The following ZFPM2 variants were observed in gnomAD, a reference collection of about 807,000 sequenced individuals.
ZFPM2 encodes zinc finger protein ZFPM2.
A neutral mutation model predicts 98.6 loss-of-function variants in ZFPM2; 20 were observed. The ratio of observed to expected loss-of-function variants is 0.20; its 90% CI spans 0.14 to 0.29. The LOEUF is 0.29. ZFPM2 is among the 10% of genes least tolerant of loss of function. The pLI is 1.00. For missense variants in ZFPM2, 1,310 were observed against 1,388.6 expected (o/e 0.94, Z 0.90); for synonymous variants, 518 against 502.7 (o/e 1.03, Z -0.41).
At chr8:105,560,104 G>A (rs943992405) in intron 3 of ZFPM2, among the ~76,000 whole-genome samples, 1 of 151,256 alleles carries the variant, frequency 6.6e-6, no homozygotes, top group Non-Finnish European at 1.5e-5. Flanking sequence ...CTATCTGGGA[G>A]GCTGGGGCAG....
intron 4 of ZFPM2, among the ~76,000 whole-genome samples, chr8:105,594,624 G>C (rs1815924617): frequency 6.6e-6 from 1 of 152,058 alleles, no homozygotes; most frequent in African/African-American, 2.4e-5. Flanking sequence ...TGAGAAAACT[G>C]AGGTTTCAGA....
rs189657594 is a variant in ZFPM2 at position 105,698,212 on chromosome 8, T to C, written c.532+63855T>C. 2.7e-4 allele frequency among the ~76,000 whole-genome samples: 41 copies of C among 152,304 alleles called. 1 individual carries two copies. The East Asian group carries it at 6.2e-3, about 23-fold the overall frequency. On this transcript the variant is annotated intron_variant, in intron 5 of 7. Coordinates refer to ENST00000407775, the MANE Select transcript of ZFPM2 (RefSeq NM_012082.4). ...CTTAATCATGAGCCAGGATATACTT[T>C]CCAACTTTCACTAGGTAATCTGTTC...
chr8:105,632,198 C>G (rs1563750911), intron 4 of ZFPM2, among the ~76,000 whole-genome samples: 3 of 152,062 alleles, frequency 2.0e-5, no homozygotes. Flanking sequence ...GAGACAGAGT[C>G]TAGCCCTGTC....
chr8:105,622,560 C>T (rs1319301149), intron 4 of ZFPM2, among the ~76,000 whole-genome samples: 1 of 152,156 alleles, frequency 6.6e-6, no homozygotes, highest in Non-Finnish European at 1.5e-5. Flanking sequence ...AAAGGTTTAT[C>T]TCATTTGATT....
intron 4 of ZFPM2, among the ~76,000 whole-genome samples, chr8:105,587,872 G>C (rs1302905518): frequency 1.3e-5 from 2 of 152,044 alleles, no homozygotes; most frequent in Non-Finnish European, 1.5e-5. Context: ...CCCTGGTTCT[G>C]ACAATCAAAA....
intron 5 of ZFPM2, among the ~76,000 whole-genome samples, chr8:105,650,370 A>C (rs917853729): frequency 6.6e-5 from 10 of 151,770 alleles, no homozygotes; most frequent in Non-Finnish European, 1.0e-4. Context: ...TCGTGTCTCT[A>C]TCTCCTTCAG....
chr8:105,673,993 CTCTG>C (rs1195376680), intron 5 of ZFPM2, among the ~76,000 whole-genome samples: 1 of 152,124 alleles, frequency 6.6e-6, no homozygotes, highest in Non-Finnish European at 1.5e-5. Context: ...AAATGAAATC[CTCTG>C]TCTGAACACT....
chr8:105,506,477 CTT>C (rs1372425665), intron 3 of ZFPM2, among the ~76,000 whole-genome samples: 2 of 152,054 alleles, frequency 1.3e-5, no homozygotes, highest in African/African-American at 4.8e-5. Flanking sequence ...GTATTTGAAA[CTT>C]TTACTTTCCC....
Position 105,802,050 on chromosome 8 carries a change from C to T in ZFPM2, c.1968C>T (p.Ser656=), listed in dbSNP as rs370406286. The T allele has an allele frequency of 6.2e-7, 1 of 1,613,794 alleles. No individual in the cohort carries two copies. The highest frequency in any genetic ancestry group is 8.5e-7 in the Non-Finnish European group (1 of 1,179,864). The change falls in exon 8 of 8, where the codon TCC becomes TCT. Residue 656 remains serine, a synonymous_variant. Transcript: ENST00000407775. ...FSTQTKKLST[S]SNNDDKINGK... is the part of the protein sequence containing the mutation. ...CTCAAACTAAGAAGCTCTCCACCTC[C>T]AGTAACAATGATGACAAAATTAATG...
intron 1 of ZFPM2, among the ~76,000 whole-genome samples, chr8:105,353,167 T>C (rs1017562926): frequency 7.9e-5 from 12 of 152,144 alleles, no homozygotes; most frequent in African/African-American, 2.7e-4. Flanking sequence ...CACTACTTTC[T>C]TGGGTATCAG....
In ZFPM2 at chr8:105,533,737, C is replaced by T. The variant is rs1197773220; in HGVS notation, c.302-27626C>T. 8.0e-5 allele frequency among the ~76,000 whole-genome samples: 8 copies of T among 100,032 alleles called. No individual in the cohort carries two copies. In the Admixed American group the frequency reaches 9.0e-4, roughly 11 times the overall value. The allele number at this position is 100,032 out of a possible 152,430, so 65.6% of individuals were successfully genotyped here. A position where few individuals can be genotyped will look rare whatever the true frequency, so the allele number is the denominator to read the frequency against. ...TACTTTCTCCCTCCCTCCCTTCTTT[C>T]CTTCCTTCCTTTCTTCCTACCTCCT... On this transcript the variant is annotated intron_variant, in intron 3 of 7. Coordinates refer to ENST00000407775, the MANE Select transcript of ZFPM2 (RefSeq NM_012082.4).
At position 105,427,669 on chromosome 8, in the gene ZFPM2, G is replaced by C. The variant is rs530839677; in HGVS notation, c.199+8367G>C. Among the ~76,000 whole-genome samples, 46 of 152,276 alleles carry C rather than the reference G, an allele frequency of 3.0e-4. 1 individual carries two copies. Among genetic ancestry groups the C allele is most frequent in the African/African-American group, 1.0e-3 (43 of 41,552 alleles). On this transcript the variant is annotated intron_variant, in intron 2 of 7. Coordinates refer to ENST00000407775, the MANE Select transcript of ZFPM2 (RefSeq NM_012082.4). ...AAACATAGACCGTGTAATGGGAAAT[G>C]TAGAAAGCTGTGGTGCGATGAATTT...
chr8:105,798,986 ACT>A (rs749003634), intron 7 of ZFPM2, 38 bp downstream of exon 7: 7 of 1,551,630 alleles, frequency 4.5e-6, no homozygotes, highest in East Asian at 2.3e-5. Context: ...GCTCCAGAAG[ACT>A]CTGTTATTTT....
intron 3 of ZFPM2, among the ~76,000 whole-genome samples, chr8:105,482,530 T>C (rs1024341282): frequency 6.6e-6 from 1 of 152,146 alleles, no homozygotes; most frequent in Non-Finnish European, 1.5e-5. Flanking sequence ...TTCTTTTATG[T>C]CAACTTTTAA....
chr8:105,795,609 A>G (rs1813777178), intron 6 of ZFPM2: 1 of 100,050 alleles, frequency 1.0e-5, no homozygotes, highest in African/African-American at 7.4e-5. Flanking sequence ...CAAAAAGGTT[A>G]AAAAAAAAAA....
chr8:105,571,452 G>A (rs1259815702), intron 4 of ZFPM2, among the ~76,000 whole-genome samples: 1 of 152,238 alleles, frequency 6.6e-6, no homozygotes, highest in Non-Finnish European at 1.5e-5. Flanking sequence ...GAAGGTAGAA[G>A]TAACAAAGCA....
intron 1 of ZFPM2, among the ~76,000 whole-genome samples, chr8:105,370,881 A>G (rs747205447): frequency 2.6e-5 from 4 of 152,220 alleles, no homozygotes; most frequent in Admixed American, 6.5e-5. Flanking sequence ...CTCCAAAGCC[A>G]AAGCTCTTCA....
Position 105,404,685 on chromosome 8 carries a change from C to T in ZFPM2, c.41-14459C>T, listed in dbSNP as rs1039190338. 2.6e-5 allele frequency among the ~76,000 whole-genome samples: 4 copies of T among 152,150 alleles called. No individual in the cohort carries two copies. In the South Asian group the frequency reaches 6.2e-4, roughly 24 times the overall value. On this transcript the variant is annotated intron_variant, in intron 1 of 7. Coordinates refer to ENST00000407775, the MANE Select transcript of ZFPM2 (RefSeq NM_012082.4). ...AACATACATACACATACACTTTGAACTTTATTCTCCACTTCACATATTGCC... is the reference window on the plus strand; with the variant it reads ...AACATACATACACATACACTTTGAATTTTATTCTCCACTTCACATATTGCC...
chr8:105,773,156 A>G (rs1262843457), intron 5 of ZFPM2, among the ~76,000 whole-genome samples: 1 of 152,128 alleles, frequency 6.6e-6, no homozygotes, highest in Non-Finnish European at 1.5e-5. Context: ...TTACTTTTTC[A>G]AAACTATTTT....
Sources: gnomAD v4.1 joint callset for allele counts (sites outside exome capture counted in the v4.1 genomes callset) on GRCh38, gnomAD v4.1.1 for gene constraint, MANE v1.5 for transcripts, NCBI Gene and HGNC (gene_info 2026-07-23, HGNC 2026-07-21) for gene names.